Variants in ARL10 observed in about 807,000 individuals in gnomAD.
The protein encoded by ARL10 is ADP-ribosylation factor-like protein 10.
Under a neutral mutation model 26.1 loss-of-function variants are expected in ARL10, and 23 were observed. That is an observed-to-expected ratio of 0.88 (90% CI 0.63 to 1.25). The LOEUF (loss-of-function observed/expected upper bound fraction) is 1.25, where lower values mean the gene tolerates loss of function less well. ARL10 is among the 50% of genes most tolerant of loss of function. ARL10 has a pLI of 0.00. For synonymous variants in ARL10, 138 were observed against 149.1 expected (o/e 0.93, Z 0.54); for missense variants, 300 against 323.6 (o/e 0.93, Z 0.56).
chr5:176,394,610 G>C (rs62402493), intron 1 of ARL10, among the ~76,000 whole-genome samples: 64 of 151,896 alleles, frequency 4.2e-4, no homozygotes, highest in Admixed American at 1.5e-3. Flanking sequence ...GAGGTCAGAT[G>C]GAGAGCATCC....
intron 1 of ARL10, among the ~76,000 whole-genome samples, chr5:176,394,542 G>C (rs567238875): frequency 6.6e-6 from 1 of 152,058 alleles, no homozygotes; most frequent in South Asian, 2.1e-4. Flanking sequence ...GTGTGGCCAG[G>C]CGCGGTGGCT....
rs1768662390 is a variant in ARL10 at position 176,375,247 on chromosome 5, T to TCCATCCAC, written c.*3354_*3355insATCCACCC. The TCCATCCAC allele has an allele frequency of 8.4e-6, 1 of 119,156 alleles. No individual in the cohort carries two copies. Among genetic ancestry groups the TCCATCCAC allele is most frequent in the East Asian group, 2.7e-4 (1 of 3,748 alleles). 7.4% of individuals were successfully genotyped at this position (119,156 alleles called of 1,614,324 possible). A position where few individuals can be genotyped will look rare whatever the true frequency, so the allele number is the denominator to read the frequency against. Reference sequence around the variant, plus strand: ...ACCCATCCATCCATCCATCCATCCATCCTTCCATCCATCCACCCATCCACC... The same window carrying TCCATCCAC: ...ACCCATCCATCCATCCATCCATCCATCCATCCACCCTTCCATCCATCCACCCATCCACC... On this transcript the variant is annotated 3_prime_UTR_variant, in exon 4 of 4. Coordinates refer to ENST00000310389, the MANE Select transcript of ARL10 (RefSeq NM_173664.6).
Position 176,397,930 on chromosome 5 carries a change from C to T in ARL10, c.134-3811C>T, listed in dbSNP as rs761019078. ...AACCCCGCCTCAGCCCCGCCCTCAC[C>T]CAGCTCTTGCAGCCGTTTCCTCTGC... On this transcript the variant is annotated intron_variant, in intron 1 of 1. Coordinates refer to the ARL10 transcript ENST00000514533. The T allele has an allele frequency of 3.1e-6, 5 of 1,613,452 alleles. No homozygotes were observed. In the Admixed American group the frequency reaches 5.0e-5, roughly 16 times the overall value.
rs567606386 is a variant in ARL10, at chr5:176,373,008, T to C, written c.*1113T>C. 2.5e-6 allele frequency: 1 copy of C among 398,652 alleles called. No individual in the cohort carries two copies. The highest frequency in any genetic ancestry group is 3.6e-5 in the East Asian group (1 of 28,082). 24.7% of individuals were successfully genotyped at this position (398,652 alleles called of 1,614,324 possible). On this transcript the variant is annotated 3_prime_UTR_variant, in exon 4 of 4. Transcript: ENST00000310389. ...TTTGAGGCTGTCGTCGATATCATAG[T>C]ACTTTACATGGATTCACATGAACTG...
Position 176,386,963 on chromosome 5 carries a change from T to C in ARL10, c.37-1332T>C, listed in dbSNP as rs756396726. ...AAGGATCTTTGATGAGGGAAAGTTA[T>C]AGACTCCTGCTTATCCCAACACAAC... On this transcript the variant is annotated intron_variant, in intron 1 of 1. Coordinates refer to the ARL10 transcript ENST00000503175. 143 of 1,483,360 alleles carry C rather than the reference T, an allele frequency of 9.6e-5. No individual in the cohort carries two copies. The South Asian group carries it at 1.4e-3, about 15-fold the overall frequency. The allele number at this position is 1,483,360 out of a possible 1,614,324, so 91.9% of individuals were successfully genotyped here. A position where few individuals can be genotyped will look rare whatever the true frequency, so the allele number is the denominator to read the frequency against.
chr5:176,410,483 T>C, the ARL10 span, among the ~76,000 whole-genome samples: 1 of 152,200 alleles, frequency 6.6e-6, no homozygotes, highest in African/African-American at 2.4e-5. Context: ...TGACTGTTTA[T>C]AAAGCCTCTC....
chr5:176,408,014 T>A, the ARL10 span, among the ~76,000 whole-genome samples: 1 of 152,142 alleles, frequency 6.6e-6, no homozygotes. Context: ...CAAGGCTCTT[T>A]GGCCCAGTCT....
At chr5:176,381,949 G>A (rs1395373640), downstream of ARL10, 1 of 152,142 alleles carries the variant, frequency 6.6e-6, no homozygotes, top group Non-Finnish European at 1.5e-5. Context: ...AAAACCTCAG[G>A]TCCCAGCAGC....
intron 1 of ARL10, among the ~76,000 whole-genome samples, chr5:176,400,861 C>A (rs1381180719): frequency 1.3e-5 from 2 of 152,180 alleles, no homozygotes; most frequent in Non-Finnish European, 2.9e-5. Flanking sequence ...TGAGCAAAGA[C>A]CCCTGGAGCC....
intron 1 of ARL10, chr5:176,386,975 T>A: frequency 7.2e-7 from 1 of 1,389,024 alleles, no homozygotes. Flanking sequence ...GACTCCTGCT[T>A]ATCCCAACAC....
At chr5:176,409,197 A>G in the ARL10 span, among the ~76,000 whole-genome samples, 1 of 150,900 alleles carries the variant, frequency 6.6e-6, no homozygotes, top group Non-Finnish European at 1.5e-5. Context: ...GATGGTCTCA[A>G]TCTTCCAACC....
At position 176,374,648 on chromosome 5, in the gene ARL10, A is replaced by G. The variant is rs935304125; in HGVS notation, c.*2753A>G. On this transcript the variant is annotated 3_prime_UTR_variant, in exon 4 of 4. Transcript: ENST00000310389. ...CTGCTCATAGCCTGTTCAGGGTATAATGGCAATTAAGGACATAGTTCACTA... is the reference window on the plus strand; with the variant it reads ...CTGCTCATAGCCTGTTCAGGGTATAGTGGCAATTAAGGACATAGTTCACTA... 7 of 152,242 alleles carry G rather than the reference A, an allele frequency of 4.6e-5. No individual in the cohort carries two copies. The highest frequency in any genetic ancestry group is 1.7e-4 in the African/African-American group (7 of 41,478). The allele number at this position is 152,242 out of a possible 1,614,324, so 9.4% of individuals were successfully genotyped here.
the ARL10 span, among the ~76,000 whole-genome samples, chr5:176,408,276 G>A: frequency 4.0e-5 from 6 of 150,460 alleles, no homozygotes; most frequent in East Asian, 3.9e-4. Context: ...GCTCGTGCCT[G>A]TAATCCCAGC....
chr5:176,396,577 A>G (rs2113630476), intron 1 of ARL10: 4 of 1,422,916 alleles, frequency 2.8e-6, no homozygotes, highest in African/African-American at 1.4e-5. Context: ...GGGAAGGCAG[A>G]TGGCAAGACA....
downstream of ARL10, among the ~76,000 whole-genome samples, chr5:176,382,631 C>G (rs1755580135): frequency 6.6e-6 from 1 of 152,162 alleles, no homozygotes; most frequent in Non-Finnish European, 1.5e-5. Flanking sequence ...AGAGAGGTCA[C>G]CAGAGATAGC....
chr5:176,370,053 C>A (rs1355026981), intron 3 of ARL10, among the ~76,000 whole-genome samples: 1 of 151,916 alleles, frequency 6.6e-6, no homozygotes, highest in Non-Finnish European at 1.5e-5. Context: ...GGCTCTAGAT[C>A]AGAGAGCTGA....
intron 1 of ARL10, chr5:176,398,142 C>T: frequency 9.2e-7 from 1 of 1,083,586 alleles, no homozygotes; most frequent in Non-Finnish European, 1.4e-6. Context: ...CTGGATAACT[C>T]AGCCTCAAAC....
Position 176,372,216 on chromosome 5 carries a change from C to G in ARL10, c.*321C>G. The G allele has an allele frequency of 3.7e-6, 2 of 537,622 alleles. No individual in the cohort carries two copies. Among genetic ancestry groups the G allele is most frequent in the Non-Finnish European group, 5.3e-6 (2 of 375,424 alleles). 33.3% of individuals were successfully genotyped at this position (537,622 alleles called of 1,614,324 possible). A position where few individuals can be genotyped will look rare whatever the true frequency, so the allele number is the denominator to read the frequency against. On this transcript the variant is annotated 3_prime_UTR_variant, in exon 4 of 4. Transcript: ENST00000310389. ...GATGCTCAGTGGGCTCAATCCTCCA[C>G]TACAGGTCCCGGTACCTGAGGAACC...
At chr5:176,369,175 T>C (rs1370797372) in intron 3 of ARL10, 193 bp downstream of exon 3, 9 of 1,532,608 alleles carry the variant, frequency 5.9e-6, no homozygotes, top group Non-Finnish European at 7.9e-6. Flanking sequence ...CATCTCGTAC[T>C]CTGGAGAGAT....
Sources: gnomAD v4.1 joint callset for allele counts (sites outside exome capture counted in the v4.1 genomes callset) on GRCh38, gnomAD v4.1.1 for gene constraint, MANE v1.5 for transcripts, NCBI Gene and HGNC (gene_info 2026-07-23, HGNC 2026-07-21) for gene names.